Variants in GALNT13 observed in about 807,000 individuals in gnomAD.
GALNT13 encodes polypeptide N-acetylgalactosaminyltransferase 13.
Under a neutral mutation model 64.2 loss-of-function variants are expected in GALNT13, and 28 were observed. The observed-to-expected ratio is 0.44, with a 90% CI of 0.32 to 0.60. GALNT13 has a LOEUF of 0.60. Ranked by LOEUF, GALNT13 falls within the 20% of genes least tolerant of loss-of-function variation. The pLI, the probability that GALNT13 is intolerant of heterozygous loss-of-function variation, is 0.05. For synonymous variants in GALNT13, 214 were observed against 224.6 expected, an observed-to-expected ratio of 0.95 and a Z score of 0.42; for missense variants, 577 against 669.8, an observed-to-expected ratio of 0.86 and a Z score of 1.53.
At chr2:154,326,326 CAAAA>C (rs35753554) in intron 9 of GALNT13, among the ~76,000 whole-genome samples, 2 of 95,074 alleles carry the variant, frequency 2.1e-5, no homozygotes, top group African/African-American at 3.3e-5. Flanking sequence ...GGGATTTCTG[CAAAA>C]AAAAAAAAAA....
At chr2:153,403,864 T>G in the GALNT13 span, among the ~76,000 whole-genome samples, 1 of 152,218 alleles carries the variant, frequency 6.6e-6, no homozygotes, top group East Asian at 1.9e-4. Flanking sequence ...GTACCTCAGA[T>G]GGAAATGCAG....
chr2:153,851,935 T>TG, the GALNT13 span, among the ~76,000 whole-genome samples: 3 of 152,170 alleles, frequency 2.0e-5, no homozygotes, highest in Non-Finnish European at 4.4e-5. Context: ...AGTATACTTT[T>TG]GTAAGCTGTA....
Position 154,239,332 on chromosome 2 carries a change from A to G in GALNT13, c.312-2698A>G, listed in dbSNP as rs147719464. Among the ~76,000 whole-genome samples, 384 of 152,294 alleles carry G rather than the reference A, an allele frequency of 2.5e-3. 3 individuals are homozygous for G. In the East Asian group the frequency reaches 0.037, roughly 15 times the overall value. Reference sequence around the variant, plus strand: ...TCTTTTTTAAAAAATGATGCTGAGTAGACTTTATTCACTGTAGTCCTTGAG... The same window carrying G: ...TCTTTTTTAAAAAATGATGCTGAGTGGACTTTATTCACTGTAGTCCTTGAG... On this transcript the variant is annotated intron_variant, in intron 4 of 12. Transcript: ENST00000392825.
At chr2:153,325,920 T>C in the GALNT13 span, among the ~76,000 whole-genome samples, 1 of 152,190 alleles carries the variant, frequency 6.6e-6, no homozygotes, top group Admixed American at 6.5e-5. Flanking sequence ...TTTCCAATAA[T>C]GTGGTTAATT....
At chr2:154,155,308 G>A (rs1347760371) in intron 4 of GALNT13, among the ~76,000 whole-genome samples, 1 of 151,976 alleles carries the variant, frequency 6.6e-6, no homozygotes, top group Non-Finnish European at 1.5e-5. Context: ...GTTAAAATGT[G>A]TATTTTTTTA....
chr2:154,045,368 A>G (rs914168102), intron 3 of GALNT13, among the ~76,000 whole-genome samples: 30 of 152,206 alleles, frequency 2.0e-4, no homozygotes, highest in African/African-American at 6.8e-4. Flanking sequence ...TAAGAGTAAC[A>G]TGGAAATGTA....
At chr2:153,182,704 C>T in the GALNT13 span, among the ~76,000 whole-genome samples, 1 of 152,136 alleles carries the variant, frequency 6.6e-6, no homozygotes, top group Non-Finnish European at 1.5e-5. Context: ...TTAGTGAGAA[C>T]ATGAGGTGTT....
intron 2 of GALNT13, among the ~76,000 whole-genome samples, chr2:153,923,737 G>C (rs1046172687): frequency 3.0e-4 from 39 of 130,002 alleles, no homozygotes; most frequent in African/African-American, 1.2e-3. Flanking sequence ...TCCCCTTCCT[G>C]TGTCCAAGTG....
At chr2:153,417,009 G>C in the GALNT13 span, among the ~76,000 whole-genome samples, 1 of 152,178 alleles carries the variant, frequency 6.6e-6, no homozygotes. Context: ...GAGAAAGATA[G>C]GAAGTGCTAG....
the GALNT13 span, among the ~76,000 whole-genome samples, chr2:153,110,045 A>C: frequency 6.6e-6 from 1 of 152,144 alleles, no homozygotes; most frequent in Non-Finnish European, 1.5e-5. Flanking sequence ...ACTCATAAAA[A>C]TTCATTTTCA....
chr2:154,333,166 C>T (rs887452979), intron 9 of GALNT13, among the ~76,000 whole-genome samples: 2 of 151,960 alleles, frequency 1.3e-5, no homozygotes, highest in Non-Finnish European at 1.5e-5. Flanking sequence ...TAGCCCTGCA[C>T]CTGTGACTCA....
the GALNT13 span, among the ~76,000 whole-genome samples, chr2:153,113,984 C>T: frequency 6.6e-6 from 1 of 152,164 alleles, no homozygotes. Context: ...AAGTTCTTCC[C>T]AATGTTTTCA....
At chr2:153,567,409 G>A in the GALNT13 span, among the ~76,000 whole-genome samples, 1 of 152,220 alleles carries the variant, frequency 6.6e-6, no homozygotes. Context: ...TGGTTGGAAA[G>A]CCATTAGCAT....
chr2:154,191,359 G>A lies in GALNT13; in HGVS notation c.312-50671G>A, dbSNP rs145390370. On this transcript the variant is annotated intron_variant, in intron 4 of 12. Coordinates refer to ENST00000392825, the MANE Select transcript of GALNT13 (RefSeq NM_052917.4). ...GAAGTTTAGATGTATTTAGACTTTAGACTAGACAACTACAATTTCAGATGA... is the reference window on the plus strand; with the variant it reads ...GAAGTTTAGATGTATTTAGACTTTAAACTAGACAACTACAATTTCAGATGA... Among the ~76,000 whole-genome samples the A allele has an allele frequency of 8.3e-4, 127 of 152,206 alleles. No homozygotes were observed. The East Asian group carries it at 0.011, about 13-fold the overall frequency.
At chr2:153,847,148 G>A in the GALNT13 span, among the ~76,000 whole-genome samples, 1 of 151,778 alleles carries the variant, frequency 6.6e-6, no homozygotes, top group Non-Finnish European at 1.5e-5. Context: ...TCATGACAAA[G>A]AACACCTTTC....
At chr2:154,123,842 A>T (rs890533020) in intron 3 of GALNT13, among the ~76,000 whole-genome samples, 1 of 152,090 alleles carries the variant, frequency 6.6e-6, no homozygotes, top group African/African-American at 2.4e-5. Context: ...CAAAAGGCAT[A>T]TATCAGCAGG....
At chr2:153,163,705 G>C in the GALNT13 span, among the ~76,000 whole-genome samples, 1 of 152,178 alleles carries the variant, frequency 6.6e-6, no homozygotes. Context: ...CAGTCACTTT[G>C]CCTCTTAAGG....
intron 1 of GALNT13, among the ~76,000 whole-genome samples, chr2:153,881,982 T>A (rs1881211): frequency 0.24 from 36,897 of 152,048 alleles, 4,771 homozygotes; most frequent in Non-Finnish European, 0.28. Context: ...TTTTTTCATT[T>A]AGACTTTTTA....
intron 1 of GALNT13, among the ~76,000 whole-genome samples, chr2:153,881,189 GTTAT>G (rs1440090149): frequency 1.3e-5 from 2 of 152,124 alleles, no homozygotes; most frequent in Non-Finnish European, 2.9e-5. Context: ...GGAATGCCGT[GTTAT>G]TTGAGGGGAT....
Sources: allele counts gnomAD v4.1 joint callset (sites outside exome capture counted in the v4.1 genomes callset), GRCh38; gene constraint gnomAD v4.1.1; transcripts MANE v1.5; gene names NCBI Gene and HGNC (gene_info 2026-07-23, HGNC 2026-07-21).